The following LRMDA variants were observed in gnomAD, a reference collection of about 807,000 sequenced individuals.
LRMDA encodes the protein leucine rich melanocyte differentiation associated, also known as leucine-rich melanocyte differentiation-associated protein.
LRMDA carries 18 observed loss-of-function variants against 29.8 expected under a neutral mutation model. The observed-to-expected ratio is 0.60, with a 90% CI of 0.42 to 0.90. The LOEUF (loss-of-function observed/expected upper bound fraction) is 0.90, where lower values mean the gene tolerates loss of function less well. Ranked by LOEUF, LRMDA falls within the 40% of genes least tolerant of loss-of-function variation. The pLI is 0.00. For missense variants in LRMDA, 273 were observed against 273.9 expected, an observed-to-expected ratio of 1.00 and a Z score of 0.02; for synonymous variants, 125 against 109.4, an observed-to-expected ratio of 1.14 and a Z score of -0.89.
intron 2 of LRMDA, among the ~76,000 whole-genome samples, chr10:75,927,985 T>C (rs550045945): frequency 1.3e-5 from 2 of 152,298 alleles, no homozygotes; most frequent in Admixed American, 6.5e-5. Context: ...AGAAAAAGCA[T>C]GTAAAGCAGT....
chr10:75,671,367 G>T (rs757225360), intron 2 of LRMDA, among the ~76,000 whole-genome samples: 5 of 152,148 alleles, frequency 3.3e-5, no homozygotes, highest in African/African-American at 4.8e-5. Flanking sequence ...GATATCTCCA[G>T]GGATTCCTGT....
chr10:75,913,929 G>A (rs1429395943), intron 2 of LRMDA, among the ~76,000 whole-genome samples: 3 of 152,168 alleles, frequency 2.0e-5, no homozygotes, highest in African/African-American at 4.8e-5. Flanking sequence ...GGCTTGCCCC[G>A]CCGTGGGGGT....
In LRMDA at chr10:75,715,180, T is replaced by G. The variant is rs1842485476; in HGVS notation, c.131+276686T>G. Among the ~76,000 whole-genome samples, 4 of 152,312 alleles carry G rather than the reference T, an allele frequency of 2.6e-5. No individual in the cohort carries two copies. The South Asian group carries it at 8.3e-4, about 32-fold the overall frequency. ...GCAGCGTACCATTCCCCTTGTGTAT[T>G]CTCTTACGGTCAATATGGATCTTAC... On this transcript the variant is annotated intron_variant, in intron 2 of 6. Transcript: ENST00000611255.
At chr10:75,710,489 A>G (rs1842422976) in intron 2 of LRMDA, among the ~76,000 whole-genome samples, 1 of 152,246 alleles carries the variant, frequency 6.6e-6, no homozygotes, top group South Asian at 2.1e-4. Flanking sequence ...GGGCCCATTT[A>G]TAACAAGCTC....
At chr10:76,247,829 A>G (rs1267656063) in intron 5 of LRMDA, among the ~76,000 whole-genome samples, 5 of 152,164 alleles carry the variant, frequency 3.3e-5, no homozygotes, top group African/African-American at 1.2e-4. Context: ...TAAGACTGCC[A>G]TGTAAAGAGA....
chr10:75,894,398 T>C (rs1286092397), intron 2 of LRMDA, among the ~76,000 whole-genome samples: 2 of 152,244 alleles, frequency 1.3e-5, no homozygotes, highest in African/African-American at 4.8e-5. Context: ...ACTGTATACA[T>C]ATACCACAGT....
Position 75,923,437 on chromosome 10 carries a change from G to A in LRMDA, c.132-112571G>A, listed in dbSNP as rs545193960. 1.8e-4 allele frequency among the ~76,000 whole-genome samples: 27 copies of A among 152,222 alleles called. No homozygotes were observed. The South Asian group carries it at 3.5e-3, about 20-fold the overall frequency. On this transcript the variant is annotated intron_variant, in intron 2 of 6. Transcript: ENST00000611255. ...AATGACAGGACATGTAGAAATCAGC[G>A]CTGTCATAAAAACAGCCGGGAGAGG...
chr10:75,656,126 A>G (rs1197858022), intron 2 of LRMDA, among the ~76,000 whole-genome samples: 2 of 152,170 alleles, frequency 1.3e-5, no homozygotes, highest in Non-Finnish European at 2.9e-5. Flanking sequence ...TCTCATTCCC[A>G]TAGTAGTTTT....
chr10:75,763,436 T>C (rs1843121953), intron 2 of LRMDA, among the ~76,000 whole-genome samples: 1 of 152,160 alleles, frequency 6.6e-6, no homozygotes, highest in South Asian at 2.1e-4. Context: ...AAGTTATGAT[T>C]GATGGTTTGG....
At chr10:76,215,372 A>G (rs1031926233) in intron 5 of LRMDA, among the ~76,000 whole-genome samples, 1 of 152,152 alleles carries the variant, frequency 6.6e-6, no homozygotes, top group African/African-American at 2.4e-5. Context: ...AGCTATCCCC[A>G]TATCTGGCAG....
chr10:76,195,316 A>G (rs1426263830), intron 5 of LRMDA, among the ~76,000 whole-genome samples: 3 of 152,220 alleles, frequency 2.0e-5, no homozygotes, highest in African/African-American at 4.8e-5. Flanking sequence ...ACCTTGTACC[A>G]TTGAAAGTCA....
chr10:75,757,394 C>T (rs184092227), intron 2 of LRMDA, among the ~76,000 whole-genome samples: 8 of 152,256 alleles, frequency 5.3e-5, no homozygotes, highest in Admixed American at 1.3e-4. Flanking sequence ...GACTCAGTCA[C>T]AGGTCACACC....
At chr10:75,755,372 T>C (rs1381054055) in intron 2 of LRMDA, among the ~76,000 whole-genome samples, 1 of 152,266 alleles carries the variant, frequency 6.6e-6, no homozygotes, top group Non-Finnish European at 1.5e-5. Flanking sequence ...ATTTCTTAGA[T>C]GAATGAATGT....
chr10:76,255,316 C>T lies in LRMDA; in HGVS notation c.517-69085C>T, dbSNP rs111623442. Among the ~76,000 whole-genome samples the T allele has an allele frequency of 3.3e-3, 504 of 152,278 alleles. 1 individual carries two copies. The highest frequency in any genetic ancestry group is 0.024 in the Middle Eastern group (7 of 294). Reference sequence around the variant, plus strand: ...AATACTACCAAAGAAGGCAATCTTCCGCTGTCCTTAAGTCAGCAAGGATTT... The same window carrying T: ...AATACTACCAAAGAAGGCAATCTTCTGCTGTCCTTAAGTCAGCAAGGATTT... On this transcript the variant is annotated intron_variant, in intron 5 of 6. Transcript: ENST00000611255.
chr10:76,173,465 G>C (rs1197611465), intron 5 of LRMDA, among the ~76,000 whole-genome samples: 1 of 152,110 alleles, frequency 6.6e-6, no homozygotes, highest in Non-Finnish European at 1.5e-5. Context: ...AGAGTGATAA[G>C]GAACCAGATA....
At chr10:76,061,058 A>G (rs1848694264) in intron 5 of LRMDA, among the ~76,000 whole-genome samples, 1 of 152,212 alleles carries the variant, frequency 6.6e-6, no homozygotes, top group African/African-American at 2.4e-5. Flanking sequence ...TCTATCATAA[A>G]GACACATACA....
At chr10:75,897,478 G>A (rs140673112) in intron 2 of LRMDA, among the ~76,000 whole-genome samples, 233 of 152,294 alleles carry the variant, frequency 1.5e-3, no homozygotes, top group African/African-American at 4.9e-3. Flanking sequence ...AGTTGACAAA[G>A]GGCCTGGAGA....
chr10:75,791,211 G>A (rs1843559534), intron 2 of LRMDA, among the ~76,000 whole-genome samples: 1 of 152,182 alleles, frequency 6.6e-6, no homozygotes, highest in South Asian at 2.1e-4. Context: ...TAGTGCACTA[G>A]AGTGCTTTCT....
chr10:76,254,411 A>ATGCTATGCTG (rs1554859401), intron 5 of LRMDA, among the ~76,000 whole-genome samples: 1 of 151,892 alleles, frequency 6.6e-6, no homozygotes. Context: ...ATGCTATGCT[A>ATGCTATGCTG]TGCTATACTA....
Sources: allele counts gnomAD v4.1 joint callset (sites outside exome capture counted in the v4.1 genomes callset), GRCh38; gene constraint gnomAD v4.1.1; transcripts MANE v1.5; gene names NCBI Gene and HGNC (gene_info 2026-07-23, HGNC 2026-07-21).